PREX2: variants seen among roughly 807,000 people sequenced by gnomAD.
PREX2 encodes phosphatidylinositol-3,4,5-trisphosphate dependent Rac exchange factor 2, also known as phosphatidylinositol 3,4,5-trisphosphate-dependent Rac exchanger 2 protein.
In PREX2, 107 loss-of-function variants were observed where a neutral mutation model predicts 203.2. That is an observed-to-expected ratio of 0.53 (90% CI 0.45 to 0.62). PREX2 has a LOEUF of 0.62. Ranked by LOEUF, PREX2 falls within the 20% of genes least tolerant of loss-of-function variation. The pLI, the probability that PREX2 is intolerant of heterozygous loss-of-function variation, is 0.00. For synonymous variants in PREX2, 672 were observed against 663.6 expected (o/e 1.01, Z -0.19); for missense variants, 1,777 against 1,955.9 (o/e 0.91, Z 1.72).
intron 1 of PREX2, among the ~76,000 whole-genome samples, chr8:68,011,906 G>A (rs1336323212): frequency 6.6e-6 from 1 of 152,082 alleles, no homozygotes; most frequent in East Asian, 1.9e-4. Flanking sequence ...ACACACTTAA[G>A]AAAAGATGGC....
In PREX2 at chr8:68,109,533, A is replaced by T. The variant is rs370193415; in HGVS notation, c.3056A>T (p.Asp1019Val). 1.4e-4 allele frequency: 220 copies of T among 1,613,908 alleles called. No homozygotes were observed. The highest frequency in any genetic ancestry group is 1.6e-4 in the Non-Finnish European group (194 of 1,179,934). The change falls in exon 25 of 40, where the codon GAC becomes GTC. Residue 1019 changes from aspartate to valine, a missense_variant. Asp to Val is a radical substitution (Grantham distance 152). Transcript: ENST00000288368. ...HGLRYLLKEE[D>V]LETQDIYQKL... ...CTCAGGTATCTGCTAAAAGAAGAAG[A>T]CTTAGAAACCCAAGACATCTATCAG...
chr8:67,994,948 G>A (rs1245509228), intron 1 of PREX2, among the ~76,000 whole-genome samples: 1 of 152,120 alleles, frequency 6.6e-6, no homozygotes, highest in African/African-American at 2.4e-5. Context: ...TATAATTCAG[G>A]ACGTTTATAT....
At chr8:68,104,090 C>T (rs143520250) in intron 23 of PREX2, among the ~76,000 whole-genome samples, 2 of 152,298 alleles carry the variant, frequency 1.3e-5, no homozygotes, top group East Asian at 3.9e-4. Flanking sequence ...CCCCATTGCT[C>T]AGCCTAAAAC....
intron 14 of PREX2, among the ~76,000 whole-genome samples, chr8:68,076,750 T>C (rs1330735084): frequency 6.6e-6 from 1 of 150,618 alleles, no homozygotes; most frequent in Non-Finnish European, 1.5e-5. Context: ...CATGGATCCA[T>C]ACTTAAAGGC....
chr8:68,179,436 G>C (rs1054341607), intron 35 of PREX2, among the ~76,000 whole-genome samples: 2 of 152,076 alleles, frequency 1.3e-5, no homozygotes, highest in Admixed American at 1.3e-4. Flanking sequence ...GCTGAGAGCA[G>C]ATTCTGAAAG....
intron 7 of PREX2, among the ~76,000 whole-genome samples, chr8:68,039,216 A>G (rs1808122298): frequency 6.6e-6 from 1 of 152,076 alleles, no homozygotes; most frequent in Non-Finnish European, 1.5e-5. Context: ...AGCAGCATTC[A>G]ACAAGATCTT....
intron 1 of PREX2, among the ~76,000 whole-genome samples, chr8:68,015,554 G>A (rs1807387039): frequency 6.6e-6 from 1 of 152,152 alleles, no homozygotes; most frequent in Non-Finnish European, 1.5e-5. Flanking sequence ...ATTTCAGAAT[G>A]TGACTGAGTT....
chr8:68,195,195 C>T (rs1214581273), intron 37 of PREX2, among the ~76,000 whole-genome samples: 1 of 152,152 alleles, frequency 6.6e-6, no homozygotes, highest in African/African-American at 2.4e-5. Context: ...TAGAATTAGA[C>T]TGGTATTGTA....
At chr8:68,223,481 C>A (rs1370505586) in intron 38 of PREX2, 1 of 152,078 alleles carries the variant, frequency 6.6e-6, no homozygotes, top group East Asian at 1.9e-4. Context: ...TTCTTCCCAC[C>A]TTTCTTTTTG....
chr8:68,211,677 C>T (rs997664542), intron 37 of PREX2, among the ~76,000 whole-genome samples: 1 of 152,140 alleles, frequency 6.6e-6, no homozygotes, highest in African/African-American at 2.4e-5. Context: ...TGCCATTTTG[C>T]ATTCAGAAAG....
In PREX2 at chr8:68,099,731, C is replaced by G; in HGVS notation, c.2603C>G (p.Thr868Ser). The change falls in exon 23 of 40, where the codon ACC becomes AGC. Residue 868 changes from threonine (T) to serine (S), a missense_variant. Coordinates refer to ENST00000288368, the MANE Select transcript of PREX2 (RefSeq NM_024870.4). ...KSDEHFVQNC[T>S]SLNSLNEVIP... is the part of the protein sequence containing the mutation. ...GATGAGCATTTTGTACAAAACTGTACCAGCCTAAATTCTCTAAATGAAGTG... is the reference window on the plus strand; with the variant it reads ...GATGAGCATTTTGTACAAAACTGTAGCAGCCTAAATTCTCTAAATGAAGTG... 6.2e-7 allele frequency: 1 copy of G among 1,613,808 alleles called. No homozygotes were observed.
intron 1 of PREX2, among the ~76,000 whole-genome samples, chr8:67,986,097 T>A (rs892345787): frequency 1.3e-5 from 2 of 152,176 alleles, no homozygotes; most frequent in Admixed American, 6.5e-5. Flanking sequence ...TAATCTTTCT[T>A]TTGGTTGGAG....
intron 1 of PREX2, among the ~76,000 whole-genome samples, chr8:67,957,965 C>A (rs994201275): frequency 6.6e-6 from 1 of 152,154 alleles, no homozygotes; most frequent in African/African-American, 2.4e-5. Flanking sequence ...GATTTGGACA[C>A]ACAGAGAGAT....
Position 68,115,887 on chromosome 8 carries a change from A to G in PREX2, c.3281A>G (p.Gln1094Arg), listed in dbSNP as rs1443750541. ...RVCFNVAGDEQEDSGHDTISN... is the reference protein window; with the variant it reads ...RVCFNVAGDEREDSGHDTISN... Reference sequence around the variant, plus strand: ...TGTTTTAATGTAGCAGGAGATGAACAGGAAGATTCTGGTCATGACACCATC... The same window carrying G: ...TGTTTTAATGTAGCAGGAGATGAACGGGAAGATTCTGGTCATGACACCATC... Residue 1094 changes from glutamine (Q) to arginine (R), a missense_variant, in exon 26 of 40, where the codon CAG becomes CGG. Gln to Arg is a conservative substitution (Grantham distance 43). Coordinates refer to ENST00000288368, the MANE Select transcript of PREX2 (RefSeq NM_024870.4). 2.5e-6 allele frequency: 4 copies of G among 1,613,852 alleles called. No homozygotes were observed. In the Admixed American group the frequency reaches 6.7e-5, roughly 27 times the overall value.
At chr8:68,132,734 A>G (rs1005064242) in intron 31 of PREX2, among the ~76,000 whole-genome samples, 2 of 152,170 alleles carry the variant, frequency 1.3e-5, no homozygotes, top group Non-Finnish European at 2.9e-5. Flanking sequence ...TTTATTCCAG[A>G]AGAGTCTATG....
chr8:67,970,737 T>A (rs62522406), intron 1 of PREX2, among the ~76,000 whole-genome samples: 9,261 of 152,244 alleles, frequency 0.061, 331 homozygotes, highest in Non-Finnish European at 0.089. Flanking sequence ...AACAACTGAT[T>A]ATCATACAGG....
chr8:68,041,007 AT>A (rs1287600075), intron 7 of PREX2, among the ~76,000 whole-genome samples: 1 of 152,108 alleles, frequency 6.6e-6, no homozygotes, highest in East Asian at 1.9e-4. Flanking sequence ...TCTTGGGAAA[AT>A]TTTTTTGCAT....
intron 31 of PREX2, among the ~76,000 whole-genome samples, chr8:68,129,838 C>T (rs1415362523): frequency 6.6e-6 from 1 of 151,122 alleles, no homozygotes; most frequent in East Asian, 1.9e-4. Context: ...AAATATTACT[C>T]TATGATAAAA....
intron 37 of PREX2, among the ~76,000 whole-genome samples, chr8:68,209,078 A>G (rs891254972): frequency 3.3e-5 from 5 of 151,474 alleles, no homozygotes; most frequent in African/African-American, 4.8e-5. Context: ...TTTAAAAAAA[A>G]AAAAAAAAAA....
Sources: gnomAD v4.1 joint callset for allele counts (sites outside exome capture counted in the v4.1 genomes callset) on GRCh38, gnomAD v4.1.1 for gene constraint, MANE v1.5 for transcripts, NCBI Gene and HGNC (gene_info 2026-07-23, HGNC 2026-07-21) for gene names.